Variants in OSBPL2 observed in about 807,000 individuals in gnomAD.
OSBPL2 encodes the protein oxysterol binding protein like 2, also known as oxysterol-binding protein-related protein 2.
A neutral mutation model predicts 58.4 loss-of-function variants in OSBPL2; 18 were observed. The observed-to-expected ratio is 0.31, with a 90% CI of 0.21 to 0.46. OSBPL2 has a LOEUF of 0.46. Ranked by LOEUF, OSBPL2 falls within the 20% of genes least tolerant of loss-of-function variation. The pLI is 1.00. For missense variants in OSBPL2, 461 were observed against 616.5 expected (o/e 0.75, Z 2.67); for synonymous variants, 221 against 234.1 (o/e 0.94, Z 0.51).
intron 3 of OSBPL2, among the ~76,000 whole-genome samples, 162 bp downstream of exon 3, chr20:62,260,287 G>A (rs1213717413): frequency 2.0e-5 from 3 of 152,330 alleles, no homozygotes; most frequent in South Asian, 4.1e-4. Context: ...GCCAGCAAGG[G>A]TTCAGAGAGA....
At chr20:62,263,479 C>T (rs1981450799) in intron 3 of OSBPL2, 137 bp from the exon 4 acceptor site, 5 of 708,572 alleles carry the variant, frequency 7.1e-6, no homozygotes, top group South Asian at 6.5e-5. Context: ...GCCCTGTGTC[C>T]CTAGGCATGC....
intron 1 of OSBPL2, among the ~76,000 whole-genome samples, chr20:62,239,980 C>G (rs6062160): frequency 0.98 from 149,936 of 152,286 alleles, 73,846 homozygotes; most frequent in East Asian, 1. Flanking sequence ...AGCCTCCCAT[C>G]TAGCTGGGAC....
chr20:62,267,245 TAACA>T (rs574052092), intron 4 of OSBPL2, among the ~76,000 whole-genome samples: 16 of 152,282 alleles, frequency 1.1e-4, no homozygotes, highest in East Asian at 5.8e-4. Flanking sequence ...ACCCTGTCTC[TAACA>T]AACAAACAAA....
At chr20:62,252,287 G>A (rs539280395) in intron 1 of OSBPL2, among the ~76,000 whole-genome samples, 38 of 152,202 alleles carry the variant, frequency 2.5e-4, no homozygotes, top group Middle Eastern at 3.4e-3. Flanking sequence ...ATGTGCACCC[G>A]TGAAAACATC....
At chr20:62,271,857 G>A (rs1982083124) in intron 4 of OSBPL2, 3 of 407,282 alleles carry the variant, frequency 7.4e-6, no homozygotes, top group Admixed American at 4.2e-5. Flanking sequence ...GAATGGGGCG[G>A]TGGGCTGGGG....
chr20:62,272,138 TC>T lies in OSBPL2; in HGVS notation c.273del (p.Thr92ArgfsTer10). ...KKCVGLELSK[I>X]TMPIAFNEPL... ...CCATCTTTCCAGGAGCTGTCCAAGA[TC>T]ACGATGCCAATCGCCTTCAACGAGC... On this transcript the variant is annotated frameshift_variant, in exon 5 of 14. Coordinates refer to ENST00000313733, the MANE Select transcript of OSBPL2 (RefSeq NM_144498.4). LOFTEE classifies it high-confidence loss of function. 6.2e-7 allele frequency: 1 copy of T among 1,613,762 alleles called. No individual in the cohort carries two copies. Among genetic ancestry groups the T allele is most frequent in the Non-Finnish European group, 8.5e-7 (1 of 1,179,940 alleles).
rs199716007 is a variant in OSBPL2, at chr20:62,272,272, G to A, written c.393+13G>A. The A allele has an allele frequency of 6.2e-7, 1 of 1,611,722 alleles. No homozygotes were observed. Among genetic ancestry groups the A allele is most frequent in the Non-Finnish European group, 8.5e-7 (1 of 1,179,458 alleles). ...GGAGAGGATGCAGGTGGGCCTTAGG[G>A]GTGCCAGGCAGGAGTTTGTCATGAA... is the stretch of plus-strand genomic sequence containing the variant. On this transcript the variant is annotated intron_variant, in intron 5 of 13. Transcript: ENST00000313733.
At chr20:62,271,853 G>A (rs1982081993) in intron 4 of OSBPL2, 1 of 395,744 alleles carries the variant, frequency 2.5e-6, no homozygotes, top group East Asian at 4.8e-5. Flanking sequence ...TCTGGAATGG[G>A]GCGGTGGGCT....
At chr20:62,278,816 C>T (rs1378196534) in intron 6 of OSBPL2, 4 of 239,000 alleles carry the variant, frequency 1.7e-5, no homozygotes, top group Admixed American at 6.4e-5. Context: ...AGTGCGATAT[C>T]GTGTTTGTGT....
chr20:62,283,113 C>T (rs142101660), intron 9 of OSBPL2, among the ~76,000 whole-genome samples: 2 of 152,322 alleles, frequency 1.3e-5, no homozygotes, highest in Non-Finnish European at 2.9e-5. Flanking sequence ...ACTCGCTGAC[C>T]CTCAGTGAGT....
At chr20:62,261,409 C>T (rs1157320897) in intron 3 of OSBPL2, among the ~76,000 whole-genome samples, 1 of 151,998 alleles carries the variant, frequency 6.6e-6, no homozygotes, top group Admixed American at 6.5e-5. Context: ...GTTGCAGGCT[C>T]CAGGCACAGC....
At chr20:62,274,448 G>A (rs975687674) in intron 6 of OSBPL2, among the ~76,000 whole-genome samples, 2 of 152,206 alleles carry the variant, frequency 1.3e-5, no homozygotes, top group African/African-American at 4.8e-5. Context: ...TCATTCTCTT[G>A]TAGATGCATG....
rs139455539 is a variant in OSBPL2, at chr20:62,256,339, G to A, written c.37+118G>A. 2.2e-4 allele frequency: 181 copies of A among 832,692 alleles called. 1 individual carries two copies. The African/African-American group carries it at 2.5e-3, about 12-fold the overall frequency. 51.6% of individuals were successfully genotyped at this position (832,692 alleles called of 1,614,324 possible). A position where few individuals can be genotyped will look rare whatever the true frequency, so the allele number is the denominator to read the frequency against. ...TCAGTAAAGCAGTGTGTGGGTGAGC[G>A]TTCACGATCCCAAACACGGACTGTT... On this transcript the variant is annotated intron_variant, in intron 2 of 13. Coordinates refer to ENST00000313733, the MANE Select transcript of OSBPL2 (RefSeq NM_144498.4).
chr20:62,238,752 C>G (rs1979502327), intron 1 of OSBPL2, among the ~76,000 whole-genome samples, 155 bp downstream of exon 1: 1 of 151,190 alleles, frequency 6.6e-6, no homozygotes, highest in African/African-American at 2.4e-5. Context: ...GCCCCGGCCC[C>G]GGCCTCGACC....
intron 7 of OSBPL2, chr20:62,280,031 G>A (rs1250813948): frequency 8.4e-6 from 11 of 1,304,182 alleles, no homozygotes; most frequent in Admixed American, 2.3e-5. Context: ...ACACCTCAGA[G>A]CAAAACACAA....
chr20:62,277,182 G>A (rs1428913726), intron 6 of OSBPL2, among the ~76,000 whole-genome samples: 1 of 152,170 alleles, frequency 6.6e-6, no homozygotes, highest in Non-Finnish European at 1.5e-5. Flanking sequence ...ACCTGGAGGC[G>A]GAGGTTGCAG....
At chr20:62,244,700 C>G (rs7274431) in intron 1 of OSBPL2, among the ~76,000 whole-genome samples, 2 of 152,326 alleles carry the variant, frequency 1.3e-5, no homozygotes, top group African/African-American at 4.8e-5. Flanking sequence ...GTTAAGTCAG[C>G]GACAAGACTT....
At chr20:62,271,243 C>G (rs1408296963) in intron 4 of OSBPL2, among the ~76,000 whole-genome samples, 2 of 92,110 alleles carry the variant, frequency 2.2e-5, no homozygotes, top group Non-Finnish European at 4.4e-5. Flanking sequence ...CCCAGCTTCC[C>G]CCACTAAGCC....
chr20:62,256,675 G>A (rs139567709), intron 2 of OSBPL2, among the ~76,000 whole-genome samples: 1 of 152,322 alleles, frequency 6.6e-6, no homozygotes, highest in Non-Finnish European at 1.5e-5. Context: ...CCTGTGGTCT[G>A]AATGAAATCC....
Sources: gnomAD v4.1 joint callset for allele counts (sites outside exome capture counted in the v4.1 genomes callset) on GRCh38, gnomAD v4.1.1 for gene constraint, MANE v1.5 for transcripts, NCBI Gene and HGNC (gene_info 2026-07-23, HGNC 2026-07-21) for gene names.